Variants in CFAP20DC observed in about 807,000 individuals in gnomAD.
CFAP20DC encodes CFAP20 domain containing.
In CFAP20DC, 84 loss-of-function variants were observed where a neutral mutation model predicts 101.7. The observed-to-expected ratio is 0.83, with a 90% CI of 0.69 to 0.99. The LOEUF (loss-of-function observed/expected upper bound fraction) is 0.99, where lower values mean the gene tolerates loss of function less well. Among genes scored for constraint, CFAP20DC ranks in the 50% least tolerant of loss-of-function variants. The pLI, the probability that CFAP20DC is intolerant of heterozygous loss-of-function variation, is 0.00. For missense variants in CFAP20DC, 1,007 were observed against 970.3 expected (o/e 1.04, Z -0.50); for synonymous variants, 359 against 351.2 (o/e 1.02, Z -0.25).
chr3:58,741,456 C>T (rs1226186120), downstream of CFAP20DC, among the ~76,000 whole-genome samples: 1 of 151,558 alleles, frequency 6.6e-6, no homozygotes, highest in East Asian at 1.9e-4. Flanking sequence ...CTATATAGAT[C>T]TAGATGAATC....
intron 3 of CFAP20DC, among the ~76,000 whole-genome samples, chr3:59,045,923 G>C (rs1391866425): frequency 1.3e-5 from 2 of 152,000 alleles, no homozygotes; most frequent in African/African-American, 2.4e-5. Flanking sequence ...TGTTTACAAA[G>C]CTCCTGGCAC....
chr3:58,944,423 T>C (rs763365917), intron 4 of CFAP20DC, among the ~76,000 whole-genome samples: 1 of 152,194 alleles, frequency 6.6e-6, no homozygotes, highest in Non-Finnish European at 1.5e-5. Flanking sequence ...CCCATGGATA[T>C]ACAGTTAGTA....
intron 15 of CFAP20DC, among the ~76,000 whole-genome samples, chr3:58,784,923 G>A (rs554635471): frequency 2.8e-4 from 43 of 152,126 alleles, no homozygotes; most frequent in African/African-American, 9.9e-4. Context: ...GCAATCCCAC[G>A]ACTGGGTATT....
chr3:58,791,043 T>C (rs951515518), intron 15 of CFAP20DC, among the ~76,000 whole-genome samples: 24 of 152,136 alleles, frequency 1.6e-4, no homozygotes, highest in Admixed American at 3.9e-4. Flanking sequence ...TTTCCCATGG[T>C]TGGAGTTGCC....
At chr3:59,022,537 G>A (rs553608407) in intron 4 of CFAP20DC, among the ~76,000 whole-genome samples, 68 of 152,044 alleles carry the variant, frequency 4.5e-4, no homozygotes, top group African/African-American at 1.5e-3. Flanking sequence ...CTAAGAAATA[G>A]TTTACTTTCC....
Position 58,848,978 on chromosome 3 carries a change from G to A in CFAP20DC, c.1971+54C>T, listed in dbSNP as rs929568396. On this transcript the variant is annotated intron_variant, in intron 13 of 16. Transcript: ENST00000482387. The stretch of plus-strand genomic sequence containing the variant: ...GCTAAAAACATGGGTGGAACAGAAC[G>A]GAACACAGCAGGATGTATTGCCGGC... 12 of 1,497,144 alleles carry A rather than the reference G, an allele frequency of 8.0e-6. No individual in the cohort carries two copies. In the Admixed American group the frequency reaches 8.8e-5, roughly 11 times the overall value. The allele number at this position is 1,497,144 out of a possible 1,614,324, so 92.7% of individuals were successfully genotyped here.
Position 58,771,564 on chromosome 3 carries a change from G to C in CFAP20DC, c.2238-17701C>G, listed in dbSNP as rs188941763. Among the ~76,000 whole-genome samples the C allele has an allele frequency of 3.7e-3, 558 of 152,232 alleles. 3 individuals are homozygous for C. The highest frequency in any genetic ancestry group is 5.9e-3 in the Non-Finnish European group (404 of 68,004). On this transcript the variant is annotated intron_variant, in intron 15 of 16. Coordinates refer to ENST00000482387, the MANE Select transcript of CFAP20DC (RefSeq NM_001394063.1). ...ATTAGCATATTGAGTTTGAGCTAAA[G>C]ACCATTGGGAAACAGTAGATGCAAG...
chr3:58,949,101 T>C (rs902643895), intron 4 of CFAP20DC, among the ~76,000 whole-genome samples: 5 of 152,244 alleles, frequency 3.3e-5, no homozygotes, highest in African/African-American at 7.2e-5. Context: ...TATTCTCTGA[T>C]GGTAGTTTGT....
chr3:58,979,130 C>A (rs1366628518), intron 4 of CFAP20DC, among the ~76,000 whole-genome samples: 3 of 152,102 alleles, frequency 2.0e-5, no homozygotes, highest in Non-Finnish European at 4.4e-5. Context: ...TTCTGTCAAG[C>A]AAAGAGAATC....
At chr3:58,919,249 T>C (rs1317244776) in intron 5 of CFAP20DC, among the ~76,000 whole-genome samples, 1 of 152,306 alleles carries the variant, frequency 6.6e-6, no homozygotes, top group Middle Eastern at 3.4e-3. Context: ...GTTGTGTATA[T>C]TGGTAGTTTT....
At chr3:58,807,028 C>T (rs1026468346) in intron 14 of CFAP20DC, among the ~76,000 whole-genome samples, 3 of 152,168 alleles carry the variant, frequency 2.0e-5, no homozygotes, top group Admixed American at 6.5e-5. Context: ...GGGTGCCCGC[C>T]ATTGCCCAGA....
At chr3:58,855,990 A>T (rs1222003233) in intron 12 of CFAP20DC, among the ~76,000 whole-genome samples, 4 of 151,962 alleles carry the variant, frequency 2.6e-5, no homozygotes, top group Admixed American at 2.6e-4. Context: ...TATAATAAAA[A>T]AAAATAAAAA....
At chr3:59,018,746 G>T (rs1190059283) in intron 4 of CFAP20DC, 2 of 152,076 alleles carry the variant, frequency 1.3e-5, no homozygotes, top group Admixed American at 1.3e-4. Flanking sequence ...AAACATAATT[G>T]CTATGAAGGA....
chr3:58,875,968 T>C (rs1027532618), intron 7 of CFAP20DC, among the ~76,000 whole-genome samples: 4 of 152,210 alleles, frequency 2.6e-5, no homozygotes, highest in African/African-American at 9.6e-5. Flanking sequence ...CGATATGCTA[T>C]TATTCCCAAA....
In CFAP20DC at chr3:58,801,050, T is replaced by TGAGAGAGAGAGAGAGAGAGAGAGAGAGA. The variant is rs143776206; in HGVS notation, c.2237+5344_2237+5345insTCTCTCTCTCTCTCTCTCTCTCTCTCTC. Among the ~76,000 whole-genome samples the TGAGAGAGAGAGAGAGAGAGAGAGAGAGA allele has an allele frequency of 9.9e-5, 13 of 131,748 alleles. 1 individual carries two copies. The highest frequency in any genetic ancestry group is 3.8e-4 in the African/African-American group (12 of 31,868). The allele number at this position is 131,748 out of a possible 152,430, so 86.4% of individuals were successfully genotyped here. ...GGGTGGGGTGGGGGTGGGGAGTAAGTGAGAGAGAGAGAGAGAGAGAGAGAA... is the reference window on the plus strand; with the variant it reads ...GGGTGGGGTGGGGGTGGGGAGTAAGTGAGAGAGAGAGAGAGAGAGAGAGAGAGAGAGAGAGAGAGAGAGAGAGAGAGAA... On this transcript the variant is annotated intron_variant, in intron 15 of 16. Coordinates refer to ENST00000482387, the MANE Select transcript of CFAP20DC (RefSeq NM_001394063.1).
chr3:58,730,194 ATGTAT>A (rs1381688000), intron 3 of CFAP20DC, among the ~76,000 whole-genome samples: 1 of 152,178 alleles, frequency 6.6e-6, no homozygotes, highest in Non-Finnish European at 1.5e-5. Context: ...AGCTAATGTA[ATGTAT>A]ATTTCAAAAT....
rs999593245 is a variant in CFAP20DC at position 58,913,652 on chromosome 3, C to T, written c.550+56G>A. ...CACTCATACTATCCCAAAGGTATGG[C>T]TAATTTTAAAAATACATCAGAGAAT... is the stretch of plus-strand genomic sequence containing the variant. On this transcript the variant is annotated intron_variant, in intron 6 of 16. Coordinates refer to ENST00000482387, the MANE Select transcript of CFAP20DC (RefSeq NM_001394063.1). The surrounding 1 kb of genome is among the most constrained non-coding windows in gnomAD (Gnocchi z 4.4). 3 of 1,568,540 alleles carry T rather than the reference C, an allele frequency of 1.9e-6. No homozygotes were observed. Among genetic ancestry groups the T allele is most frequent in the Admixed American group, 1.7e-5 (1 of 59,800 alleles).
Position 59,014,221 on chromosome 3 carries a change from A to G in CFAP20DC, c.278+25336T>C, listed in dbSNP as rs2108900315. On this transcript the variant is annotated intron_variant, in intron 4 of 16. Coordinates refer to ENST00000482387, the MANE Select transcript of CFAP20DC (RefSeq NM_001394063.1). The surrounding 1 kb of genome is among the most constrained non-coding windows in gnomAD (Gnocchi z 4.9). ...CTTGTTCACTGACCAGATCAATCAC[A>G]TAACAAAATGGGAAAAAAAGATCGA... Among the ~76,000 whole-genome samples the G allele has an allele frequency of 6.6e-6, 1 of 152,336 alleles. No individual in the cohort carries two copies. Among genetic ancestry groups the G allele is most frequent in the African/African-American group, 2.4e-5 (1 of 41,588 alleles).
chr3:58,829,586 A>C lies in CFAP20DC; in HGVS notation c.2175+2100T>G, dbSNP rs549212689. 2.7e-4 allele frequency among the ~76,000 whole-genome samples: 41 copies of C among 152,314 alleles called. No individual in the cohort carries two copies. The South Asian group carries it at 8.5e-3, about 32-fold the overall frequency. On this transcript the variant is annotated intron_variant, in intron 14 of 16. Transcript: ENST00000482387. The stretch of plus-strand genomic sequence containing the variant: ...ATGCAATAATAAACATATCTTATGA[A>C]TACCAAAGGTAGGCTTTTCAATATT...
Sources: gnomAD v4.1 joint callset for allele counts (sites outside exome capture counted in the v4.1 genomes callset) on GRCh38, gnomAD v4.1.1 for gene constraint, Gnocchi (gnomAD v3.1) non-coding constraint, MANE v1.5 for transcripts, NCBI Gene and HGNC (gene_info 2026-07-23, HGNC 2026-07-21) for gene names.